DLGAP1: variants seen among roughly 807,000 people sequenced by gnomAD.
DLGAP1 encodes DLG associated protein 1, also known as disks large-associated protein 1.
In DLGAP1, 11 loss-of-function variants were observed where a neutral mutation model predicts 90.8. That is an observed-to-expected ratio of 0.12 (90% CI 0.08 to 0.20). DLGAP1 has a LOEUF of 0.20. Ranked by LOEUF, DLGAP1 falls within the 10% of genes least tolerant of loss-of-function variation. The pLI is 1.00. For synonymous variants in DLGAP1, 558 were observed against 540.7 expected (o/e 1.03, Z -0.44); for missense variants, 1,050 against 1,333.8 (o/e 0.79, Z 3.31).
chr18:4,106,024 TC>T (rs2075859344), intron 2 of DLGAP1, among the ~76,000 whole-genome samples: 1 of 94,232 alleles, frequency 1.1e-5, no homozygotes, highest in Admixed American at 1.8e-4. Context: ...AGAGCGAGGG[TC>T]CGTCTCAAAA....
intron 5 of DLGAP1, among the ~76,000 whole-genome samples, chr18:3,754,989 A>T (rs2063659968): frequency 6.6e-6 from 1 of 152,140 alleles, no homozygotes; most frequent in South Asian, 2.1e-4. Context: ...AGTGGAGAGA[A>T]ATGTAGGCAA....
In DLGAP1 at chr18:3,592,012, G is replaced by C. The variant is rs11875664; in HGVS notation, c.1592-9764C>G. ...TAGCAATTGTACCAACATCTGATAG[G>C]GGGCTCAACTAGATGACAAGGTTTC... On this transcript the variant is annotated intron_variant, in intron 7 of 12. Coordinates refer to ENST00000315677, the MANE Select transcript of DLGAP1 (RefSeq NM_004746.4). Among the ~76,000 whole-genome samples, 1,088 of 152,202 alleles carry C rather than the reference G, an allele frequency of 7.1e-3. 5 individuals are homozygous for C. Among genetic ancestry groups the C allele is most frequent in the African/African-American group, 0.025 (1,032 of 41,524 alleles).
chr18:3,971,560 G>A (rs1208076670), intron 3 of DLGAP1, among the ~76,000 whole-genome samples: 1 of 152,178 alleles, frequency 6.6e-6, no homozygotes, highest in Non-Finnish European at 1.5e-5. Flanking sequence ...ATTGGTATGT[G>A]TAATTGACTG....
intron 3 of DLGAP1, among the ~76,000 whole-genome samples, chr18:3,966,230 A>G (rs1464036535): frequency 6.6e-6 from 1 of 151,950 alleles, no homozygotes; most frequent in Non-Finnish European, 1.5e-5. Flanking sequence ...AGAAGGAGAA[A>G]GGGGGCCAGG....
At chr18:3,751,710 G>A (rs535549055) in intron 5 of DLGAP1, among the ~76,000 whole-genome samples, 65 of 150,596 alleles carry the variant, frequency 4.3e-4, no homozygotes, top group African/African-American at 1.3e-3. Context: ...AGGTGTGCGC[G>A]TGTGCCACCA....
In DLGAP1 at chr18:3,821,452, GAA is replaced by G. The variant is rs200969998; in HGVS notation, c.958-7181_958-7180del. Among the ~76,000 whole-genome samples the G allele has an allele frequency of 1.9e-3, 293 of 151,458 alleles. 4 individuals carry two copies. The East Asian group carries it at 0.041, about 21-fold the overall frequency. On this transcript the variant is annotated intron_variant, in intron 4 of 12. Coordinates refer to ENST00000315677, the MANE Select transcript of DLGAP1 (RefSeq NM_004746.4). ...TGAACCAATAAACTAAAAAAAAGAA[GAA>G]GAGAATGGGGTGCACGCTCCCACTC... is the stretch of plus-strand genomic sequence containing the variant.
intron 1 of DLGAP1, among the ~76,000 whole-genome samples, chr18:4,273,147 G>A (rs962690525): frequency 1.3e-5 from 2 of 152,144 alleles, no homozygotes; most frequent in African/African-American, 4.8e-5. Context: ...TGTTACTGCA[G>A]CCTCCAGGAA....
chr18:4,010,468 A>G (rs749799809), intron 2 of DLGAP1, among the ~76,000 whole-genome samples: 1 of 152,160 alleles, frequency 6.6e-6, no homozygotes, highest in Non-Finnish European at 1.5e-5. Flanking sequence ...GGAATGCTTG[A>G]GCCTAAGAGG....
At chr18:3,867,486 A>G (rs912726632) in intron 4 of DLGAP1, among the ~76,000 whole-genome samples, 2 of 152,084 alleles carry the variant, frequency 1.3e-5, no homozygotes, top group African/African-American at 4.8e-5. Context: ...GGAAGGAAGG[A>G]GGAGGGGATG....
chr18:4,254,102 G>T (rs1363101455), intron 1 of DLGAP1, among the ~76,000 whole-genome samples: 1 of 152,056 alleles, frequency 6.6e-6, no homozygotes, highest in Non-Finnish European at 1.5e-5. Context: ...TGTCAGGCAG[G>T]GATTGTCAAT....
intron 10 of DLGAP1, among the ~76,000 whole-genome samples, chr18:3,522,546 C>CTTT (rs532794429): frequency 0.42 from 48,667 of 115,944 alleles, 11,597 homozygotes; most frequent in East Asian, 0.6. Context: ...GCAGTCAACT[C>CTTT]TTTTTTTTTT....
At chr18:3,796,784 A>C (rs967123928) in intron 5 of DLGAP1, among the ~76,000 whole-genome samples, 1 of 152,244 alleles carries the variant, frequency 6.6e-6, no homozygotes, top group African/African-American at 2.4e-5. Flanking sequence ...TTCATATTTT[A>C]ATCACTTAAA....
intron 7 of DLGAP1, among the ~76,000 whole-genome samples, chr18:3,623,417 T>A (rs2058171781): frequency 6.6e-6 from 1 of 152,158 alleles, no homozygotes; most frequent in African/African-American, 2.4e-5. Flanking sequence ...AGACACAAAT[T>A]CACCTACACA....
chr18:3,649,521 G>T (rs1182513247), intron 7 of DLGAP1, among the ~76,000 whole-genome samples: 1 of 152,136 alleles, frequency 6.6e-6, no homozygotes, highest in African/African-American at 2.4e-5. Context: ...GAGGAAAGCG[G>T]GAAGGAGAGC....
Position 4,383,981 on chromosome 18 carries a change from C to T in DLGAP1, c.-267+71025G>A, listed in dbSNP as rs2082180638. 6.6e-6 allele frequency among the ~76,000 whole-genome samples: 1 copy of T among 152,162 alleles called. No homozygotes were observed. The highest frequency in any genetic ancestry group is 1.5e-5 in the Non-Finnish European group (1 of 68,016). ...CTAATAAGATGTACAAAAGTCAAAA[C>T]AGCTTCCATACACTATGGTAATGTC... On this transcript the variant is annotated intron_variant, in intron 1 of 12. Coordinates refer to ENST00000315677, the MANE Select transcript of DLGAP1 (RefSeq NM_004746.4). This position sits in a 1 kb window ranked among gnomAD's most constrained non-coding sequence, Gnocchi z 4.0.
chr18:4,161,543 G>T (rs916625349), intron 1 of DLGAP1, among the ~76,000 whole-genome samples: 2 of 152,096 alleles, frequency 1.3e-5, no homozygotes, highest in African/African-American at 4.8e-5. Context: ...GAATAGTGCT[G>T]CAATGAACAT....
intron 9 of DLGAP1, among the ~76,000 whole-genome samples, chr18:3,550,346 C>T (rs1436118230): frequency 6.6e-6 from 1 of 152,204 alleles, no homozygotes; most frequent in Non-Finnish European, 1.5e-5. Context: ...CTACCTCAGC[C>T]TCCCGAGTAG....
intron 7 of DLGAP1, among the ~76,000 whole-genome samples, chr18:3,677,166 C>T (rs2060335638): frequency 6.6e-6 from 1 of 152,144 alleles, no homozygotes; most frequent in African/African-American, 2.4e-5. Context: ...TCTTTATCTC[C>T]AGTTCCTCAA....
intron 2 of DLGAP1, among the ~76,000 whole-genome samples, chr18:4,035,678 G>A (rs374104020): frequency 2.6e-5 from 4 of 152,060 alleles, no homozygotes; most frequent in South Asian, 2.1e-4. Context: ...TGCCACTTAC[G>A]CACTTAAAAA....
Sources: gnomAD v4.1 joint callset for allele counts (sites outside exome capture counted in the v4.1 genomes callset) on GRCh38, gnomAD v4.1.1 for gene constraint, Gnocchi (gnomAD v3.1) non-coding constraint, MANE v1.5 for transcripts, NCBI Gene and HGNC (gene_info 2026-07-23, HGNC 2026-07-21) for gene names.